Variants in MTAP observed in about 807,000 individuals in gnomAD.
MTAP encodes S-methyl-5'-thioadenosine phosphorylase.
In MTAP, 33 loss-of-function variants were observed where a neutral mutation model predicts 33.6. The observed-to-expected ratio is 0.98, with a 90% confidence interval of 0.74 to 1.31. The LOEUF is 1.31. Ranked by LOEUF, MTAP falls within the 40% of genes most tolerant of loss-of-function variation. The pLI is 0.00. For missense variants in MTAP, 367 were observed against 360.0 expected, an observed-to-expected ratio of 1.02 and a Z score of -0.16; for synonymous variants, 148 against 125.7, an observed-to-expected ratio of 1.18 and a Z score of -1.19.
chr9:21,859,164 T>A (rs1018887368), intron 6 of MTAP, 139 bp from the exon 7 acceptor site: 16 of 1,273,238 alleles, frequency 1.3e-5, no homozygotes, highest in Non-Finnish European at 1.6e-5. Context: ...ATACCCTACA[T>A]TGAGGATTCG....
intron 1 of MTAP, among the ~76,000 whole-genome samples, chr9:21,884,605 C>T (rs1164377252): frequency 6.6e-6 from 1 of 152,072 alleles, no homozygotes; most frequent in East Asian, 1.9e-4. Flanking sequence ...TGTAGTGGAG[C>T]CCCACTTTTT....
intron 4 of MTAP, among the ~76,000 whole-genome samples, chr9:21,823,631 T>C (rs1448007736): frequency 6.6e-6 from 1 of 152,232 alleles, no homozygotes; most frequent in East Asian, 1.9e-4. Flanking sequence ...TGGCGTTCTC[T>C]GTATTTCCTG....
chr9:21,903,806 G>A (rs117356240), intron 1 of MTAP, among the ~76,000 whole-genome samples: 1 of 152,120 alleles, frequency 6.6e-6, no homozygotes. Context: ...AGTGTCTAGG[G>A]GTGAATATTT....
intron 1 of MTAP, among the ~76,000 whole-genome samples, chr9:21,809,170 T>A (rs1215987530): frequency 6.6e-6 from 1 of 152,184 alleles, no homozygotes; most frequent in Non-Finnish European, 1.5e-5. Context: ...TCTTGCCTCC[T>A]TGTGATTTCA....
chr9:21,880,944 C>G (rs1156482691), intron 1 of MTAP, among the ~76,000 whole-genome samples: 3 of 151,944 alleles, frequency 2.0e-5, no homozygotes, highest in Non-Finnish European at 4.4e-5. Flanking sequence ...AAGGACCCCC[C>G]AGTAGCCAAA....
chr9:21,806,611 C>G (rs1008163431), intron 1 of MTAP, among the ~76,000 whole-genome samples: 2 of 151,856 alleles, frequency 1.3e-5, no homozygotes, highest in Non-Finnish European at 2.9e-5. Flanking sequence ...GAGAGATGGT[C>G]CAGGCAGGGA....
At chr9:21,820,716 C>G (rs1475926269) in intron 4 of MTAP, among the ~76,000 whole-genome samples, 1 of 151,828 alleles carries the variant, frequency 6.6e-6, no homozygotes, top group Non-Finnish European at 1.5e-5. Flanking sequence ...CTATAAATTA[C>G]CTATGGCCAT....
downstream of MTAP, among the ~76,000 whole-genome samples, chr9:21,867,302 G>C (rs1825868669): frequency 6.6e-6 from 1 of 152,100 alleles, no homozygotes; most frequent in Non-Finnish European, 1.5e-5. Flanking sequence ...ATTAAAATAT[G>C]TTAGCTATAG....
chr9:21,809,547 G>A (rs1001239537), intron 1 of MTAP, among the ~76,000 whole-genome samples: 4 of 151,930 alleles, frequency 2.6e-5, no homozygotes, highest in Non-Finnish European at 5.9e-5. Context: ...ACTAAGGCAG[G>A]AGAATGGTGT....
At chr9:21,915,055 C>T (rs9657573) in intron 1 of MTAP, among the ~76,000 whole-genome samples, 2,096 of 25,496 alleles carry the variant, frequency 0.082, 137 homozygotes, top group African/African-American at 0.17. Context: ...TTCCTTCCTT[C>T]CTTTCTTTCT....
chr9:21,932,631 C>A (rs1402208499), downstream of MTAP: 2 of 152,138 alleles, frequency 1.3e-5, no homozygotes, highest in Admixed American at 1.3e-4. Flanking sequence ...GCACCCCCAA[C>A]CAATTAGCAG....
intron 5 of MTAP, among the ~76,000 whole-genome samples, chr9:21,852,002 C>A (rs1825523543): frequency 6.6e-6 from 1 of 152,004 alleles, no homozygotes; most frequent in African/African-American, 2.4e-5. Context: ...TAATAAACTC[C>A]CCTTTATTAG....
chr9:21,804,676 T>C (rs370886556), intron 1 of MTAP, among the ~76,000 whole-genome samples: 183 of 151,752 alleles, frequency 1.2e-3, no homozygotes, highest in African/African-American at 3.8e-3. Flanking sequence ...CAGAGCAAAA[T>C]AGGTTAATAA....
intron 1 of MTAP, among the ~76,000 whole-genome samples, chr9:21,884,594 A>G (rs1400539820): frequency 6.6e-6 from 1 of 152,196 alleles, no homozygotes; most frequent in Non-Finnish European, 1.5e-5. Flanking sequence ...CAGATGTGGT[A>G]TGTAGTGGAG....
Position 21,862,269 on chromosome 9 carries a change from A to C in MTAP, c.*255A>C. 1.1e-6 allele frequency: 1 copy of C among 871,630 alleles called. No homozygotes were observed. Among genetic ancestry groups the C allele is most frequent in the Non-Finnish European group, 1.5e-6 (1 of 658,118 alleles). 54.0% of individuals were successfully genotyped at this position (871,630 alleles called of 1,614,324 possible). A position where few individuals can be genotyped will look rare whatever the true frequency, so the allele number is the denominator to read the frequency against. On this transcript the variant is annotated 3_prime_UTR_variant, in exon 8 of 8. Transcript: ENST00000644715. The stretch of plus-strand genomic sequence containing the variant: ...AATATTACATTTTAAGGGGGAAAAA[A>C]AAACCCACCATTCTCTTCTCCCCCT...
intron 4 of MTAP, among the ~76,000 whole-genome samples, chr9:21,825,333 A>G (rs377679289): frequency 5.8e-4 from 88 of 152,316 alleles, no homozygotes; most frequent in Non-Finnish European, 8.2e-4. Flanking sequence ...TGCTGCAGGG[A>G]CCATGGAAGT....
At chr9:21,891,202 A>G (rs1285685848) in intron 1 of MTAP, among the ~76,000 whole-genome samples, 3 of 152,190 alleles carry the variant, frequency 2.0e-5, no homozygotes, top group South Asian at 2.1e-4. Flanking sequence ...AAGAACCAGA[A>G]GAAAAACAAT....
At chr9:21,859,907 C>G (rs1446414218) in intron 7 of MTAP, 1 of 152,328 alleles carries the variant, frequency 6.6e-6, no homozygotes. Flanking sequence ...TAAACCAACT[C>G]TAGTATTCTC....
intron 1 of MTAP, among the ~76,000 whole-genome samples, chr9:21,913,719 C>G (rs956933546): frequency 5.3e-5 from 8 of 152,156 alleles, no homozygotes; most frequent in African/African-American, 1.9e-4. Flanking sequence ...TAGGCATGGG[C>G]AAGGACTTCA....
Sources: gnomAD v4.1 joint callset for allele counts (sites outside exome capture counted in the v4.1 genomes callset) on GRCh38, gnomAD v4.1.1 for gene constraint, MANE v1.5 for transcripts, NCBI Gene and HGNC (gene_info 2026-07-23, HGNC 2026-07-21) for gene names.